Variants in DPP10 observed in about 807,000 individuals in gnomAD.
DPP10 encodes dipeptidyl peptidase like 10, also known as inactive dipeptidyl peptidase 10.
A neutral mutation model predicts 120.9 loss-of-function variants in DPP10; 33 were observed. The observed-to-expected ratio is 0.27, with a 90% CI of 0.21 to 0.37. The LOEUF (loss-of-function observed/expected upper bound fraction) is 0.37. DPP10 is among the 10% of genes least tolerant of loss of function. The pLI is 1.00. For synonymous variants in DPP10, 337 were observed against 326.1 expected, an observed-to-expected ratio of 1.03 and a Z score of -0.36; for missense variants, 816 against 942.8, an observed-to-expected ratio of 0.87 and a Z score of 1.76.
At chr2:114,704,484 G>C (rs1440502436) in intron 1 of DPP10, among the ~76,000 whole-genome samples, 1 of 152,156 alleles carries the variant, frequency 6.6e-6, no homozygotes, top group Non-Finnish European at 1.5e-5. Flanking sequence ...TTGATTGACA[G>C]ATGCAAGTTG....
intron 1 of DPP10, among the ~76,000 whole-genome samples, chr2:114,614,322 C>T (rs924439639): frequency 1.3e-5 from 2 of 152,078 alleles, no homozygotes; most frequent in African/African-American, 2.4e-5. Context: ...CTTGCAAAGT[C>T]CCTCTAAGTA....
At chr2:114,455,045 T>C (rs1011372788) in intron 1 of DPP10, among the ~76,000 whole-genome samples, 1 of 152,276 alleles carries the variant, frequency 6.6e-6, no homozygotes, top group African/African-American at 2.4e-5. Context: ...ATAGTATTAA[T>C]GTTTCATTTT....
chr2:115,067,872 A>G (rs1233640259), intron 1 of DPP10, among the ~76,000 whole-genome samples: 1 of 133,014 alleles, frequency 7.5e-6, no homozygotes, highest in South Asian at 2.2e-4. Context: ...AAAAAAAAAA[A>G]AAAAAAAAGA....
At chr2:114,579,731 CACAA>C (rs1690344047) in intron 1 of DPP10, among the ~76,000 whole-genome samples, 1 of 152,136 alleles carries the variant, frequency 6.6e-6, no homozygotes, top group Non-Finnish European at 1.5e-5. Flanking sequence ...ATAGCATCAA[CACAA>C]GTCAGGAAAG....
intron 1 of DPP10, among the ~76,000 whole-genome samples, chr2:114,881,580 CTG>C (rs1691637538): frequency 2.1e-5 from 2 of 97,286 alleles, no homozygotes; most frequent in Admixed American, 1.1e-4. Flanking sequence ...ATCTATCTAT[CTG>C]TCTGTCTGTC....
chr2:115,517,781 T>C (rs1575074190), intron 4 of DPP10, among the ~76,000 whole-genome samples: 2 of 152,222 alleles, frequency 1.3e-5, no homozygotes, highest in South Asian at 4.1e-4. Context: ...ATATCTGTCT[T>C]ATCTATTAAT....
chr2:115,523,112 A>G (rs1202139033), intron 4 of DPP10, among the ~76,000 whole-genome samples: 1 of 152,098 alleles, frequency 6.6e-6, no homozygotes, highest in Non-Finnish European at 1.5e-5. Flanking sequence ...ACGACTCTTT[A>G]ATTTCAGAGA....
chr2:115,017,433 AAGAAAGTGTGGC>A, intron 1 of DPP10, among the ~76,000 whole-genome samples: 1 of 152,150 alleles, frequency 6.6e-6, no homozygotes. Flanking sequence ...ACCACTGTGG[AAGAAAGTGTGGC>A]AATTCCTCAG....
intron 3 of DPP10, among the ~76,000 whole-genome samples, chr2:115,389,778 T>C (rs1237757114): frequency 3.9e-5 from 6 of 152,168 alleles, no homozygotes; most frequent in Non-Finnish European, 7.3e-5. Context: ...GTATTCAGTT[T>C]ATGATTATTT....
chr2:115,547,311 T>G (rs2079567424), intron 5 of DPP10, among the ~76,000 whole-genome samples: 1 of 152,162 alleles, frequency 6.6e-6, no homozygotes, highest in Admixed American at 6.5e-5. Context: ...CACTAAAACC[T>G]TTTTTTATGA....
chr2:115,260,570 C>A (rs979379766), intron 1 of DPP10, among the ~76,000 whole-genome samples: 1 of 152,166 alleles, frequency 6.6e-6, no homozygotes. Context: ...GTGAGAAGTA[C>A]TGTTGTTTCC....
At chr2:115,091,931 A>C (rs914097039) in intron 1 of DPP10, among the ~76,000 whole-genome samples, 3 of 152,194 alleles carry the variant, frequency 2.0e-5, no homozygotes, top group Non-Finnish European at 4.4e-5. Context: ...CAAAAGTGCT[A>C]AATAGTCATC....
intron 1 of DPP10, among the ~76,000 whole-genome samples, chr2:114,717,988 A>C (rs1701461350): frequency 1.3e-5 from 2 of 152,094 alleles, no homozygotes; most frequent in South Asian, 4.1e-4. Context: ...ATTTATTACT[A>C]TTCTGATACA....
chr2:114,799,263 A>G (rs1683982870), intron 1 of DPP10, among the ~76,000 whole-genome samples: 1 of 152,258 alleles, frequency 6.6e-6, no homozygotes, highest in Non-Finnish European at 1.5e-5. Flanking sequence ...AACTGACTGC[A>G]TCAAAACTAA....
chr2:115,360,382 T>C (rs1012364540), intron 3 of DPP10, among the ~76,000 whole-genome samples: 3 of 152,314 alleles, frequency 2.0e-5, no homozygotes, highest in African/African-American at 7.2e-5. Context: ...TAAGCCTCTG[T>C]ACAGGTTATT....
intron 1 of DPP10, among the ~76,000 whole-genome samples, chr2:114,519,683 C>CA (rs1684892021): frequency 6.6e-6 from 1 of 152,198 alleles, no homozygotes; most frequent in Non-Finnish European, 1.5e-5. Flanking sequence ...TCCATCTTTC[C>CA]TCAAACAACA....
chr2:115,409,508 A>G (rs2068780060), intron 3 of DPP10, among the ~76,000 whole-genome samples: 2 of 152,248 alleles, frequency 1.3e-5, no homozygotes, highest in South Asian at 2.1e-4. Context: ...AAATTAAAAA[A>G]TAATAGACAT....
chr2:115,129,503 A>G (rs571874149), intron 1 of DPP10, among the ~76,000 whole-genome samples: 6 of 152,314 alleles, frequency 3.9e-5, no homozygotes, highest in African/African-American at 9.6e-5. Flanking sequence ...GCCTTGTTCT[A>G]TGCTCTGTAA....
chr2:114,719,927 G>T (rs1701597803), intron 1 of DPP10, among the ~76,000 whole-genome samples: 1 of 152,204 alleles, frequency 6.6e-6, no homozygotes, highest in Non-Finnish European at 1.5e-5. Context: ...GGCCTGCAGA[G>T]CAGACAACTG....
Sources: allele counts gnomAD v4.1 joint callset (sites outside exome capture counted in the v4.1 genomes callset), GRCh38; gene constraint gnomAD v4.1.1; transcripts MANE v1.5; gene names NCBI Gene and HGNC (gene_info 2026-07-23, HGNC 2026-07-21).